Variants in XCR1 observed in about 807,000 individuals in gnomAD.
XCR1 encodes the protein chemokine XC receptor 1.
For synonymous variants in XCR1, 187 were observed against 188.5 expected, an observed-to-expected ratio of 0.99 and a Z score of 0.06; for missense variants, 356 against 424.2, an observed-to-expected ratio of 0.84 and a Z score of 1.41.
intron 3 of XCR1, among the ~76,000 whole-genome samples, chr3:46,067,240 G>C (rs1698093672): frequency 1.3e-5 from 2 of 152,188 alleles, no homozygotes; most frequent in Non-Finnish European, 1.5e-5. Flanking sequence ...CTTTGAAGAG[G>C]CAGGTTAGGC....
rs149557559 is a variant in XCR1 at position 46,017,762 on chromosome 3, GTTTT to G, written c.*3180_*3183del. The G allele has an allele frequency of 2.0e-5, 3 of 152,344 alleles. No individual in the cohort carries two copies. Among genetic ancestry groups the G allele is most frequent in the African/African-American group, 7.2e-5 (3 of 41,566 alleles). The allele number at this position is 152,344 out of a possible 1,614,324, so 9.4% of individuals were successfully genotyped here. A position where few individuals can be genotyped will look rare whatever the true frequency, so the allele number is the denominator to read the frequency against. Reference sequence around the variant, plus strand: ...TGTAAATGCTGTAGAACCACCGTGGGTTTTTTTATGTTCCAGGAGTGGTTAGAGG... The same window carrying G: ...TGTAAATGCTGTAGAACCACCGTGGGTTTATGTTCCAGGAGTGGTTAGAGG... On this transcript the variant is annotated 3_prime_UTR_variant, in exon 2 of 2. Transcript: ENST00000309285.
At chr3:46,060,032 A>C (rs1697931757) in intron 4 of XCR1, among the ~76,000 whole-genome samples, 1 of 152,240 alleles carries the variant, frequency 6.6e-6, no homozygotes, top group South Asian at 2.1e-4. Context: ...AGATGATAAG[A>C]GTATAAAGAG....
At chr3:46,038,245 T>C (rs1413551842) in intron 5 of XCR1, among the ~76,000 whole-genome samples, 2 of 152,106 alleles carry the variant, frequency 1.3e-5, no homozygotes, top group African/African-American at 4.8e-5. Context: ...CTGGAATTCC[T>C]GACCTCAGGT....
chr3:46,071,511 G>C (rs1408533376), intron 3 of XCR1, among the ~76,000 whole-genome samples: 1 of 151,974 alleles, frequency 6.6e-6, no homozygotes, highest in African/African-American at 2.4e-5. Context: ...AAGAAGAAAA[G>C]AAAACTACAG....
At chr3:46,057,672 T>C (rs1697876160) in intron 4 of XCR1, among the ~76,000 whole-genome samples, 1 of 152,128 alleles carries the variant, frequency 6.6e-6, no homozygotes, top group Non-Finnish European at 1.5e-5. Flanking sequence ...CGATTCCTCC[T>C]AGAGTTGAAA....
intron 3 of XCR1, among the ~76,000 whole-genome samples, chr3:46,074,065 A>G (rs2125903353): frequency 6.6e-6 from 1 of 152,290 alleles, no homozygotes; most frequent in East Asian, 1.9e-4. Flanking sequence ...CAGCAACCCC[A>G]CTACTGGGTA....
At chr3:46,064,989 G>T (rs887575825) in intron 4 of XCR1, among the ~76,000 whole-genome samples, 5 of 152,182 alleles carry the variant, frequency 3.3e-5, no homozygotes, top group Non-Finnish European at 7.3e-5. Context: ...TACTCGGGAG[G>T]CTGAGGCAGG....
chr3:46,037,366 G>A (rs1435242514), intron 5 of XCR1, among the ~76,000 whole-genome samples: 4 of 152,012 alleles, frequency 2.6e-5, no homozygotes, highest in South Asian at 4.1e-4. Context: ...ATGTGACAAC[G>A]TATTTTTGGT....
intron 1 of XCR1, chr3:46,024,275 A>G (rs1193029659): frequency 3.2e-6 from 1 of 308,370 alleles, no homozygotes; most frequent in Non-Finnish European, 5.9e-6. Context: ...GGTCCCGGAA[A>G]TGTTTCATCA....
At chr3:46,068,238 A>C (rs1279535199) in intron 3 of XCR1, among the ~76,000 whole-genome samples, 1 of 152,194 alleles carries the variant, frequency 6.6e-6, no homozygotes, top group Non-Finnish European at 1.5e-5. Context: ...TTATTACAGC[A>C]TGCAAAACAG....
At chr3:46,023,064 C>T (rs1369955361) in intron 1 of XCR1, among the ~76,000 whole-genome samples, 2 of 152,318 alleles carry the variant, frequency 1.3e-5, no homozygotes, top group East Asian at 3.9e-4. Context: ...TCAAGAAAAG[C>T]TTCAATAATT....
At chr3:46,062,685 C>A (rs1381721696) in intron 4 of XCR1, among the ~76,000 whole-genome samples, 1 of 152,246 alleles carries the variant, frequency 6.6e-6, no homozygotes, top group Non-Finnish European at 1.5e-5. Flanking sequence ...TCCAACAGAA[C>A]AGGAGCTCAG....
In XCR1 at chr3:46,019,446, T is replaced by G. The variant is rs1482219824; in HGVS notation, c.*1500A>C. On this transcript the variant is annotated 3_prime_UTR_variant, in exon 2 of 2. Transcript: ENST00000309285. The stretch of plus-strand genomic sequence containing the variant: ...CATGTGTGTAACTACAACACAAGGT[T>G]GTTTTATTTTAGAGGGGACAAGCAG... 6.6e-6 allele frequency: 1 copy of G among 152,106 alleles called. No homozygotes were observed. The highest frequency in any genetic ancestry group is 6.5e-5 in the Admixed American group (1 of 15,286). The allele number at this position is 152,106 out of a possible 1,614,324, so 9.4% of individuals were successfully genotyped here.
intron 3 of XCR1, among the ~76,000 whole-genome samples, chr3:46,068,622 C>T (rs1443471297): frequency 6.6e-6 from 1 of 152,114 alleles, no homozygotes; most frequent in African/African-American, 2.4e-5. Context: ...CTGGTTTGGC[C>T]TGATTCTTTT....
chr3:46,069,990 T>C (rs1698139674), intron 3 of XCR1, among the ~76,000 whole-genome samples: 1 of 152,030 alleles, frequency 6.6e-6, no homozygotes, highest in Admixed American at 6.5e-5. Context: ...GGTTTTGGTA[T>C]GTTGTGTTTC....
At chr3:46,051,109 A>G (rs1166236752) in intron 5 of XCR1, among the ~76,000 whole-genome samples, 9 of 152,212 alleles carry the variant, frequency 5.9e-5, no homozygotes, top group African/African-American at 1.7e-4. Flanking sequence ...AGAAATATCA[A>G]TGACCCCCGT....
At chr3:46,083,282 G>T (rs1698411060) in intron 1 of XCR1, among the ~76,000 whole-genome samples, 1 of 152,188 alleles carries the variant, frequency 6.6e-6, no homozygotes, top group Non-Finnish European at 1.5e-5. Flanking sequence ...ACTTATCTGT[G>T]CTCCACCAGG....
At chr3:46,056,816 C>A (rs531674473) in intron 4 of XCR1, among the ~76,000 whole-genome samples, 4 of 152,082 alleles carry the variant, frequency 2.6e-5, no homozygotes, top group African/African-American at 9.6e-5. Flanking sequence ...TAAACAAACA[C>A]CCATGTGTTT....
chr3:46,026,835 G>T (rs1385232146), intron 1 of XCR1, among the ~76,000 whole-genome samples: 1 of 151,552 alleles, frequency 6.6e-6, no homozygotes, highest in African/African-American at 2.4e-5. Flanking sequence ...ACCTGCCTTG[G>T]CCTCCCAAAG....
Sources: gnomAD v4.1 joint callset for allele counts (sites outside exome capture counted in the v4.1 genomes callset) on GRCh38, gnomAD v4.1.1 for gene constraint, MANE v1.5 for transcripts, NCBI Gene and HGNC (gene_info 2026-07-23, HGNC 2026-07-21) for gene names.